The following RELN variants were observed in gnomAD, a reference collection of about 807,000 sequenced individuals.
RELN encodes reelin.
In RELN, 108 loss-of-function variants were observed where a neutral mutation model predicts 427.6. The ratio of observed to expected loss-of-function variants is 0.25; its 90% CI spans 0.22 to 0.30. The LOEUF (loss-of-function observed/expected upper bound fraction) is 0.30. Ranked by LOEUF, RELN falls within the 10% of genes least tolerant of loss-of-function variation. RELN has a pLI of 1.00. For synonymous variants in RELN, 1,524 were observed against 1,513.4 expected (o/e 1.01, Z -0.16); for missense variants, 3,715 against 4,302.8 (o/e 0.86, Z 3.82).
chr7:103,599,068 AG>A (rs1295803369), intron 24 of RELN, among the ~76,000 whole-genome samples: 1 of 152,216 alleles, frequency 6.6e-6, no homozygotes. Flanking sequence ...AAGTTTTAAC[AG>A]GTAAGGCTTT....
At chr7:103,872,030 A>T (rs9791441) in intron 2 of RELN, among the ~76,000 whole-genome samples, 46,377 of 138,112 alleles carry the variant, frequency 0.34, 7,805 homozygotes, top group East Asian at 0.58. Context: ...ATATATATAT[A>T]TTTTTCTTTT....
At position 103,834,356 on chromosome 7, in the gene RELN, G is replaced by A. The variant is rs963708242; in HGVS notation, c.338-684C>T. Among the ~76,000 whole-genome samples the A allele has an allele frequency of 3.9e-5, 6 of 152,274 alleles. 1 individual carries two copies. The highest frequency in any genetic ancestry group is 8.8e-5 in the Non-Finnish European group (6 of 68,014). ...TTTCGTGGTTTGCTTCATGTTCTTAGTCTTGTCTGTGTTCAGCTATGTTAA... is the reference window on the plus strand; with the variant it reads ...TTTCGTGGTTTGCTTCATGTTCTTAATCTTGTCTGTGTTCAGCTATGTTAA... On this transcript the variant is annotated intron_variant, in intron 2 of 64. Coordinates refer to ENST00000428762, the MANE Select transcript of RELN (RefSeq NM_005045.4).
chr7:103,963,549 T>C lies in RELN; in HGVS notation c.226+25582A>G, dbSNP rs186118105. Among the ~76,000 whole-genome samples, 452 of 152,286 alleles carry C rather than the reference T, an allele frequency of 3.0e-3. 1 individual carries two copies. The highest frequency in any genetic ancestry group is 0.01 in the African/African-American group (434 of 41,544). On this transcript the variant is annotated intron_variant, in intron 1 of 64. Transcript: ENST00000428762. ...AGATTTAGGGGGGCTGTGGTCAGGA[T>C]AGCACTGGGTTGGGTGACAAAGAAG... is the stretch of plus-strand genomic sequence containing the variant.
At chr7:103,615,287 A>G (rs1205639991) in intron 20 of RELN, among the ~76,000 whole-genome samples, 2 of 152,220 alleles carry the variant, frequency 1.3e-5, no homozygotes, top group African/African-American at 4.8e-5. Context: ...CTAGTAGGCC[A>G]TGACACTGGC....
chr7:103,829,468 A>G (rs1793223682), intron 3 of RELN, among the ~76,000 whole-genome samples: 1 of 151,984 alleles, frequency 6.6e-6, no homozygotes, highest in African/African-American at 2.4e-5. Flanking sequence ...CAGATATAAA[A>G]GTAAAAACAA....
At chr7:103,800,152 G>T (rs866996151) in intron 3 of RELN, among the ~76,000 whole-genome samples, 35 of 152,132 alleles carry the variant, frequency 2.3e-4, no homozygotes, top group African/African-American at 8.5e-4. Context: ...TCAGGCAAGA[G>T]AAATAAATAA....
intron 10 of RELN, among the ~76,000 whole-genome samples, chr7:103,692,017 G>A (rs1042639497): frequency 6.6e-6 from 1 of 152,076 alleles, no homozygotes; most frequent in Non-Finnish European, 1.5e-5. Flanking sequence ...AAATGGTTAA[G>A]CCAAGATTTG....
chr7:103,797,385 G>A (rs544026995), intron 3 of RELN, among the ~76,000 whole-genome samples: 1 of 152,288 alleles, frequency 6.6e-6, no homozygotes, highest in Non-Finnish European at 1.5e-5. Flanking sequence ...GATTACAGGT[G>A]TGAGTCACTG....
At chr7:103,548,231 C>T (rs35342594) in intron 41 of RELN, among the ~76,000 whole-genome samples, 10,774 of 152,210 alleles carry the variant, frequency 0.071, 499 homozygotes, top group South Asian at 0.14. Flanking sequence ...GTAGAAGGAA[C>T]AAAATTTGAC....
chr7:103,827,730 T>C (rs1793177710), intron 3 of RELN, among the ~76,000 whole-genome samples: 1 of 152,002 alleles, frequency 6.6e-6, no homozygotes, highest in South Asian at 2.1e-4. Flanking sequence ...TATCTTGTCA[T>C]CTAGAGGTAT....
chr7:103,894,084 AT>A (rs1196699469), intron 2 of RELN, among the ~76,000 whole-genome samples: 2 of 152,180 alleles, frequency 1.3e-5, no homozygotes, highest in Non-Finnish European at 2.9e-5. Flanking sequence ...AACTATTAAA[AT>A]GTTACTGCTA....
At position 103,946,406 on chromosome 7, in the gene RELN, C is replaced by T. The variant is rs554731298; in HGVS notation, c.227-29221G>A. Among the ~76,000 whole-genome samples the T allele has an allele frequency of 3.0e-3, 462 of 152,194 alleles. 2 individuals carry two copies. Among genetic ancestry groups the T allele is most frequent in the Non-Finnish European group, 5.4e-3 (368 of 67,986 alleles). On this transcript the variant is annotated intron_variant, in intron 1 of 64. Coordinates refer to ENST00000428762, the MANE Select transcript of RELN (RefSeq NM_005045.4). ...TTGAACAAAAAAAAGGTGAGAAGTT[C>T]AAATTAGTATTTACCTAAAATAAAA...
At chr7:103,556,180 T>G (rs192492235) in intron 38 of RELN, among the ~76,000 whole-genome samples, 3 of 152,212 alleles carry the variant, frequency 2.0e-5, no homozygotes, top group African/African-American at 7.2e-5. Flanking sequence ...CGGCACTATC[T>G]GCTTGGTCTA....
chr7:103,965,884 T>C (rs1796650803), intron 1 of RELN, among the ~76,000 whole-genome samples: 1 of 152,212 alleles, frequency 6.6e-6, no homozygotes, highest in Non-Finnish European at 1.5e-5. Context: ...TTGAAACCAA[T>C]ATGCTCTTTT....
At chr7:103,696,157 C>T (rs1254780602) in intron 10 of RELN, among the ~76,000 whole-genome samples, 2 of 152,072 alleles carry the variant, frequency 1.3e-5, no homozygotes, top group African/African-American at 4.8e-5. Flanking sequence ...GATCCTCACC[C>T]CTTTCTAGCT....
intron 2 of RELN, among the ~76,000 whole-genome samples, chr7:103,901,817 T>C (rs1031713531): frequency 6.6e-6 from 1 of 151,994 alleles, no homozygotes; most frequent in Non-Finnish European, 1.5e-5. Flanking sequence ...TTCAAATTAG[T>C]GGTGATGGTT....
At chr7:103,739,066 T>C (rs560281006) in intron 6 of RELN, among the ~76,000 whole-genome samples, 7 of 152,320 alleles carry the variant, frequency 4.6e-5, no homozygotes, top group Middle Eastern at 3.4e-3. Flanking sequence ...TATTGCCGAA[T>C]GTTAATAGTA....
chr7:103,729,406 GA>G (rs1367472923), intron 6 of RELN, among the ~76,000 whole-genome samples: 1 of 152,190 alleles, frequency 6.6e-6, no homozygotes, highest in Non-Finnish European at 1.5e-5. Flanking sequence ...AATTGGCAAA[GA>G]AATGAAAGTA....
chr7:103,930,952 G>A (rs915851462), intron 1 of RELN, among the ~76,000 whole-genome samples: 1 of 150,526 alleles, frequency 6.6e-6, no homozygotes, highest in African/African-American at 2.4e-5. Flanking sequence ...AATCCAAGCC[G>A]ATCAGGACTT....
Sources: gnomAD v4.1 joint callset for allele counts (sites outside exome capture counted in the v4.1 genomes callset) on GRCh38, gnomAD v4.1.1 for gene constraint, MANE v1.5 for transcripts, NCBI Gene and HGNC (gene_info 2026-07-23, HGNC 2026-07-21) for gene names.